The following UNC5C variants were observed in gnomAD, a reference collection of about 807,000 sequenced individuals.
UNC5C encodes netrin receptor UNC5C.
A neutral mutation model predicts 99.8 loss-of-function variants in UNC5C; 47 were observed. That is an observed-to-expected ratio of 0.47 (90% CI 0.37 to 0.60). The LOEUF (loss-of-function observed/expected upper bound fraction) is 0.60. Among genes scored for constraint, UNC5C ranks in the 20% least tolerant of loss-of-function variants. The pLI is 0.00. For synonymous variants in UNC5C, 487 were observed against 452.2 expected (o/e 1.08, Z -0.98); for missense variants, 1,062 against 1,165.9 (o/e 0.91, Z 1.30).
At chr4:95,434,355 T>C (rs966469388) in intron 1 of UNC5C, among the ~76,000 whole-genome samples, 7 of 152,126 alleles carry the variant, frequency 4.6e-5, no homozygotes, top group Admixed American at 2.0e-4. Flanking sequence ...CATTCATTCA[T>C]ACATGTTTAC....
intron 1 of UNC5C, among the ~76,000 whole-genome samples, chr4:95,524,361 G>T (rs1722443844): frequency 6.6e-6 from 1 of 152,162 alleles, no homozygotes; most frequent in Non-Finnish European, 1.5e-5. Flanking sequence ...ATGATGCCTT[G>T]CATGTTTTAT....
intron 2 of UNC5C, among the ~76,000 whole-genome samples, chr4:95,316,911 A>C (rs914660020): frequency 6.6e-6 from 1 of 152,096 alleles, no homozygotes; most frequent in African/African-American, 2.4e-5. Flanking sequence ...TGAGGTCCTA[A>C]AAAGAAAAAT....
intron 4 of UNC5C, among the ~76,000 whole-genome samples, chr4:95,268,074 G>T (rs895014435): frequency 6.7e-6 from 1 of 149,944 alleles, no homozygotes; most frequent in South Asian, 2.1e-4. Context: ...CTCAGCCTCC[G>T]GAGTAGCTGG....
intron 10 of UNC5C, among the ~76,000 whole-genome samples, chr4:95,209,112 T>C (rs1737984391): frequency 6.6e-6 from 1 of 152,186 alleles, no homozygotes; most frequent in Admixed American, 6.5e-5. Flanking sequence ...TCATAGATCC[T>C]TTTCTGGAAT....
At chr4:95,399,359 A>G (rs1356797615) in intron 1 of UNC5C, among the ~76,000 whole-genome samples, 1 of 152,224 alleles carries the variant, frequency 6.6e-6, no homozygotes. Context: ...CACTACATAC[A>G]AGAGGCAAGA....
At chr4:95,272,208 G>A (rs1178542507) in intron 4 of UNC5C, among the ~76,000 whole-genome samples, 1 of 151,850 alleles carries the variant, frequency 6.6e-6, no homozygotes, top group African/African-American at 2.4e-5. Flanking sequence ...TTTTCTCCTC[G>A]AGGGACTTAA....
chr4:95,382,992 C>T (rs2149442576), intron 1 of UNC5C, among the ~76,000 whole-genome samples: 1 of 152,288 alleles, frequency 6.6e-6, no homozygotes, highest in African/African-American at 2.4e-5. Context: ...CGCAGATACA[C>T]AGCAGTTCCT....
intron 1 of UNC5C, among the ~76,000 whole-genome samples, chr4:95,469,497 G>A (rs79698009): frequency 0.013 from 2,039 of 152,114 alleles, 59 homozygotes; most frequent in African/African-American, 0.046. Context: ...TTCAGTACAA[G>A]ATAAAAATGT....
intron 1 of UNC5C, among the ~76,000 whole-genome samples, chr4:95,498,256 AG>A (rs1277673697): frequency 1.3e-5 from 2 of 152,010 alleles, no homozygotes; most frequent in Non-Finnish European, 2.9e-5. Flanking sequence ...TGTTTTATTC[AG>A]CCCCATGCAC....
At chr4:95,491,377 G>A (rs1327256696) in intron 1 of UNC5C, among the ~76,000 whole-genome samples, 1 of 151,612 alleles carries the variant, frequency 6.6e-6, no homozygotes, top group Non-Finnish European at 1.5e-5. Context: ...AACATTTGGT[G>A]TTAGGCAAAG....
intron 1 of UNC5C, among the ~76,000 whole-genome samples, chr4:95,395,939 G>A (rs1189382260): frequency 6.6e-6 from 1 of 152,184 alleles, no homozygotes; most frequent in Non-Finnish European, 1.5e-5. Context: ...TAGAGTTGGA[G>A]TACACAGATG....
At chr4:95,481,552 G>A (rs929918090) in intron 1 of UNC5C, among the ~76,000 whole-genome samples, 1 of 151,988 alleles carries the variant, frequency 6.6e-6, no homozygotes, top group Non-Finnish European at 1.5e-5. Flanking sequence ...ACATCGCCAA[G>A]TCAATCCTAA....
At chr4:95,359,737 A>G (rs189495514) in intron 1 of UNC5C, among the ~76,000 whole-genome samples, 1 of 152,242 alleles carries the variant, frequency 6.6e-6, no homozygotes, top group African/African-American at 2.4e-5. Flanking sequence ...TAAACATGAC[A>G]CTGCCTCCCA....
chr4:95,387,872 A>G (rs936237346), intron 1 of UNC5C, among the ~76,000 whole-genome samples: 1 of 152,184 alleles, frequency 6.6e-6, no homozygotes, highest in Non-Finnish European at 1.5e-5. Context: ...CCCCAAAAGT[A>G]TGGGAATGAT....
At chr4:95,197,827 G>T (rs1339055003) in intron 12 of UNC5C, among the ~76,000 whole-genome samples, 5 of 152,104 alleles carry the variant, frequency 3.3e-5, no homozygotes, top group Non-Finnish European at 7.4e-5. Context: ...GGCTTATTCA[G>T]TGGAGGGTAT....
intron 1 of UNC5C, among the ~76,000 whole-genome samples, chr4:95,399,427 A>AT (rs1284528564): frequency 6.6e-6 from 1 of 152,160 alleles, no homozygotes; most frequent in Non-Finnish European, 1.5e-5. Context: ...TCCTTTAGTG[A>AT]TTTTCAAATT....
rs142546820 is a variant in UNC5C, at chr4:95,535,888, C to T, written c.124+12846G>A. ...CTCTAGCAATTAAAGAAAGATTGAGCTGGAAAAAAAGAGACTTAAAGCATT... is the reference window on the plus strand; with the variant it reads ...CTCTAGCAATTAAAGAAAGATTGAGTTGGAAAAAAAGAGACTTAAAGCATT... On this transcript the variant is annotated intron_variant, in intron 1 of 15. Coordinates refer to ENST00000453304, the MANE Select transcript of UNC5C (RefSeq NM_003728.4). 4.4e-3 allele frequency among the ~76,000 whole-genome samples: 666 copies of T among 151,322 alleles called. 4 individuals are homozygous for T. The highest frequency in any genetic ancestry group is 0.015 in the African/African-American group (634 of 41,264).
chr4:95,535,575 C>A (rs1722752853), intron 1 of UNC5C, among the ~76,000 whole-genome samples: 1 of 152,086 alleles, frequency 6.6e-6, no homozygotes, highest in Non-Finnish European at 1.5e-5. Context: ...TTATTGGAAT[C>A]TTCGCCTTGA....
At chr4:95,474,521 C>T (rs893546880) in intron 1 of UNC5C, among the ~76,000 whole-genome samples, 2 of 152,018 alleles carry the variant, frequency 1.3e-5, no homozygotes, top group Non-Finnish European at 2.9e-5. Flanking sequence ...AACTCCTGAC[C>T]TCAGGTGATC....
Sources: allele counts gnomAD v4.1 joint callset (sites outside exome capture counted in the v4.1 genomes callset), GRCh38; gene constraint gnomAD v4.1.1; transcripts MANE v1.5; gene names NCBI Gene and HGNC (gene_info 2026-07-23, HGNC 2026-07-21).